ODF2L: variants seen among roughly 807,000 people sequenced by gnomAD.
The protein encoded by ODF2L is outer dense fiber of sperm tails 2 like, also known as protein BCAP.
A neutral mutation model predicts 86.3 loss-of-function variants in ODF2L; 76 were observed. The observed-to-expected ratio is 0.88, with a 90% CI of 0.73 to 1.07. ODF2L has a LOEUF of 1.07. ODF2L is among the 50% of genes least tolerant of loss of function. ODF2L has a pLI of 0.00. For synonymous variants in ODF2L, 241 were observed against 231.3 expected, an observed-to-expected ratio of 1.04 and a Z score of -0.38; for missense variants, 748 against 717.4, an observed-to-expected ratio of 1.04 and a Z score of -0.49.
At chr1:86,395,740 G>A (rs546692130) in intron 1 of ODF2L, among the ~76,000 whole-genome samples, 3 of 152,236 alleles carry the variant, frequency 2.0e-5, no homozygotes, top group African/African-American at 7.2e-5. Context: ...ATCCAGGAAC[G>A]GCCCGGTCAG....
chr1:86,380,554 A>T (rs1003708327), intron 7 of ODF2L, among the ~76,000 whole-genome samples: 5 of 152,154 alleles, frequency 3.3e-5, no homozygotes, highest in African/African-American at 1.2e-4. Context: ...ATAGTTCCAG[A>T]CACGATCTTC....
At chr1:86,360,341 A>C (rs1658938373) in intron 12 of ODF2L, 85 bp downstream of exon 11, 1 of 637,402 alleles carries the variant, frequency 1.6e-6, no homozygotes, top group Non-Finnish European at 2.8e-6. Context: ...ACCTCTCTTC[A>C]GTTCTATTTA....
intron 1 of ODF2L, among the ~76,000 whole-genome samples, chr1:86,390,362 G>A (rs566934293): frequency 6.6e-6 from 1 of 152,244 alleles, no homozygotes; most frequent in Admixed American, 6.5e-5. Context: ...GGAGGTTGCA[G>A]TGAGCCACGA....
At chr1:86,368,763 C>T (rs755872471) in intron 10 of ODF2L, 1 of 1,320,422 alleles carries the variant, frequency 7.6e-7, no homozygotes, top group South Asian at 2.3e-5. Flanking sequence ...TGAAAATGTT[C>T]ATCAGAGCAT....
chr1:86,394,035 T>C (rs2101611236), intron 1 of ODF2L, among the ~76,000 whole-genome samples: 1 of 152,338 alleles, frequency 6.6e-6, no homozygotes, highest in Middle Eastern at 3.4e-3. Context: ...CATATTCCTT[T>C]CCTTCAACAC....
At chr1:86,356,214 T>A (rs1658548492) in intron 14 of ODF2L, among the ~76,000 whole-genome samples, 2 of 134,398 alleles carry the variant, frequency 1.5e-5, no homozygotes, top group African/African-American at 6.0e-5. Context: ...GTCTATAGAT[T>A]TGCATGAATA....
chr1:86,378,999 T>C (rs1660378682), intron 7 of ODF2L, among the ~76,000 whole-genome samples: 1 of 152,060 alleles, frequency 6.6e-6, no homozygotes, highest in South Asian at 2.1e-4. Context: ...GTTCTCCTGA[T>C]AGTGAGTGAG....
At chr1:86,395,537 C>T (rs1661673997) in intron 1 of ODF2L, among the ~76,000 whole-genome samples, 1 of 152,150 alleles carries the variant, frequency 6.6e-6, no homozygotes, top group Non-Finnish European at 1.5e-5. Context: ...GTCAATCCCG[C>T]ACTACAGGGG....
chr1:86,384,594 T>C (rs981501871), intron 4 of ODF2L, 82 bp downstream of exon 4: 1 of 905,792 alleles, frequency 1.1e-6, no homozygotes, highest in African/African-American at 1.7e-5. Flanking sequence ...AATATACCAA[T>C]AATTTCTACA....
Position 86,359,837 on chromosome 1 carries a change from C to T in ODF2L, c.1254+589G>A, listed in dbSNP as rs114225774. Among the ~76,000 whole-genome samples the T allele has an allele frequency of 5.7e-3, 870 of 152,228 alleles. 9 individuals are homozygous for T. The highest frequency in any genetic ancestry group is 0.019 in the African/African-American group (809 of 41,546). On this transcript the variant is annotated intron_variant, in intron 12 of 17. Coordinates refer to ENST00000317336, the Ensembl canonical transcript of ODF2L. ...CCAGCCAGTTCATTATTCTTTAATT[C>T]AAACTCTCTCTGACCAGTGTGTTAA...
At chr1:86,349,213 T>G (rs1311887513), downstream of ODF2L, 1 of 150,672 alleles carries the variant, frequency 6.6e-6, no homozygotes, top group Non-Finnish European at 1.4e-5. Flanking sequence ...TGCCATTTTC[T>G]GTCTAAAAAT....
chr1:86,357,430 G>A (rs1454555495), intron 13 of ODF2L, among the ~76,000 whole-genome samples: 4 of 150,794 alleles, frequency 2.7e-5, no homozygotes, highest in African/African-American at 9.7e-5. Context: ...TGTCTTGAAA[G>A]TAAAAGAAAA....
At chr1:86,366,517 G>A (rs1194835508) in intron 11 of ODF2L, among the ~76,000 whole-genome samples, 1 of 150,454 alleles carries the variant, frequency 6.6e-6, no homozygotes, top group African/African-American at 2.4e-5. Flanking sequence ...TGAAGCGGGA[G>A]ATTGCTTGAG....
chr1:86,385,443 T>A lies in ODF2L; in HGVS notation c.246+15A>T. The stretch of plus-strand genomic sequence containing the variant: ...ACTAGCTTTTCATTTTATTATATAT[T>A]CATAAGTCACTCACATTTTCAAAAT... On this transcript the variant is annotated intron_variant, in intron 3 of 17. Coordinates refer to ENST00000317336, the Ensembl canonical transcript of ODF2L. The A allele has an allele frequency of 6.6e-7, 1 of 1,507,086 alleles. No homozygotes were observed. The highest frequency in any genetic ancestry group is 9.2e-7 in the Non-Finnish European group (1 of 1,088,856). 93.4% of individuals were successfully genotyped at this position (1,507,086 alleles called of 1,614,324 possible). A position where few individuals can be genotyped will look rare whatever the true frequency, so the allele number is the denominator to read the frequency against.
chr1:86,387,536 G>A (rs1661038664), intron 1 of ODF2L, among the ~76,000 whole-genome samples: 1 of 152,058 alleles, frequency 6.6e-6, no homozygotes, highest in African/African-American at 2.4e-5. Flanking sequence ...CAAAGGATAG[G>A]ATACTCAATT....
chr1:86,364,657 TTTA>T (rs1659276706), intron 11 of ODF2L, among the ~76,000 whole-genome samples: 1 of 152,120 alleles, frequency 6.6e-6, no homozygotes, highest in Non-Finnish European at 1.5e-5. Flanking sequence ...GAGGAAATTT[TTTA>T]AAAAGGGAGG....
chr1:86,350,541 G>A (rs538680882), exon 18 of ODF2L: 36 of 152,282 alleles, frequency 2.4e-4, no homozygotes, highest in African/African-American at 8.2e-4. Context: ...TTGCTATTGT[G>A]AATAGTGCCA....
chr1:86,356,591 C>G (rs772934624), exon 14 of ODF2L: 3 of 1,613,506 alleles, frequency 1.9e-6, no homozygotes, highest in East Asian at 4.5e-5. Flanking sequence ...GAGACTCCAT[C>G]TGGCCTCTCA....
chr1:86,382,910 A>G (rs751522514), intron 6 of ODF2L, 21 bp downstream of exon 6: 9 of 1,351,502 alleles, frequency 6.7e-6, no homozygotes, highest in African/African-American at 1.4e-5. Flanking sequence ...AATTAAGCTC[A>G]AAAGCTCAAA....
Sources: gnomAD v4.1 joint callset for allele counts (sites outside exome capture counted in the v4.1 genomes callset) on GRCh38, gnomAD v4.1.1 for gene constraint, MANE v1.5 for transcripts, NCBI Gene and HGNC (gene_info 2026-07-23, HGNC 2026-07-21) for gene names.